CDK15: variants seen among roughly 807,000 people sequenced by gnomAD.
CDK15 encodes cyclin-dependent kinase 15.
CDK15 carries 62 observed loss-of-function variants against 60.3 expected under a neutral mutation model. The observed-to-expected ratio is 1.03, with a 90% confidence interval of 0.84 to 1.27. The LOEUF is 1.27. Among genes scored for constraint, CDK15 ranks in the 50% most tolerant of loss-of-function variants. CDK15 has a pLI of 0.00. For synonymous variants in CDK15, 194 were observed against 195.7 expected, an observed-to-expected ratio of 0.99 and a Z score of 0.07; for missense variants, 541 against 527.8, an observed-to-expected ratio of 1.03 and a Z score of -0.25.
intron 8 of CDK15, among the ~76,000 whole-genome samples, chr2:201,837,137 T>G (rs1394346589): frequency 6.6e-6 from 1 of 151,658 alleles, no homozygotes; most frequent in Non-Finnish European, 1.5e-5. Flanking sequence ...GTCTCTACAT[T>G]TTTCAAAAAA....
rs1221926647 is a variant in CDK15, at chr2:201,835,876, A to G, written c.851+113A>G. ...ATGGCAATCACGTATATATTTTTAT[A>G]TATATTTATATTTATATATTTTATA... is the stretch of plus-strand genomic sequence containing the variant. On this transcript the variant is annotated intron_variant, in intron 8 of 13. Coordinates refer to ENST00000652192, the MANE Select transcript of CDK15 (RefSeq NM_001366386.2). 2.6e-5 allele frequency: 10 copies of G among 384,196 alleles called. No homozygotes were observed. The East Asian group carries it at 1.2e-3, about 48-fold the overall frequency. 23.8% of individuals were successfully genotyped at this position (384,196 alleles called of 1,614,324 possible).
chr2:201,867,716 CT>C (rs1244443936), intron 10 of CDK15, among the ~76,000 whole-genome samples: 1 of 151,562 alleles, frequency 6.6e-6, no homozygotes, highest in Admixed American at 6.6e-5. Context: ...AACCTCAGGG[CT>C]TCCTTTCTCG....
chr2:201,816,730 A>T, intron 4 of CDK15, among the ~76,000 whole-genome samples: 1 of 151,942 alleles, frequency 6.6e-6, no homozygotes, highest in East Asian at 1.9e-4. Context: ...GACTCCAGAG[A>T]TGGGGCTTGA....
chr2:201,841,040 A>G (rs1697354294), intron 8 of CDK15, among the ~76,000 whole-genome samples: 2 of 152,206 alleles, frequency 1.3e-5, no homozygotes, highest in African/African-American at 2.4e-5. Flanking sequence ...TCTCTCCTTC[A>G]TATTTTCCAT....
chr2:201,867,973 G>A (rs957992396), intron 10 of CDK15, among the ~76,000 whole-genome samples: 6 of 152,150 alleles, frequency 3.9e-5, no homozygotes, highest in Non-Finnish European at 7.3e-5. Context: ...CTCAAAGCTC[G>A]TAAGTGGCAA....
At chr2:201,889,391 T>C (rs1699564892) in intron 12 of CDK15, 1 of 985,476 alleles carries the variant, frequency 1.0e-6, no homozygotes, top group African/African-American at 1.7e-5. Context: ...CTCAGATATC[T>C]GTGCTAATAC....
At chr2:201,866,338 A>G (rs1002101923) in intron 10 of CDK15, among the ~76,000 whole-genome samples, 4 of 152,154 alleles carry the variant, frequency 2.6e-5, no homozygotes, top group Non-Finnish European at 4.4e-5. Context: ...ATCAATCAAC[A>G]AATCTCTGTT....
intron 6 of CDK15, 119 bp downstream of exon 6, chr2:201,823,846 T>C: frequency 1.3e-6 from 1 of 773,254 alleles, no homozygotes; most frequent in Non-Finnish European, 2.0e-6. Context: ...ACATCACTGA[T>C]ATTCCAGAAA....
intron 4 of CDK15, among the ~76,000 whole-genome samples, chr2:201,817,030 C>A (rs753772980): frequency 6.6e-6 from 1 of 152,208 alleles, no homozygotes; most frequent in African/African-American, 2.4e-5. Context: ...GGCAGCCCTG[C>A]TCTGCAAGGA....
intron 11 of CDK15, chr2:201,876,408 C>T (rs1559146953): frequency 2.5e-6 from 1 of 398,660 alleles, no homozygotes; most frequent in Non-Finnish European, 4.9e-6. Flanking sequence ...TACTGGGGCA[C>T]TTGCCAAAGG....
intron 6 of CDK15, among the ~76,000 whole-genome samples, chr2:201,832,657 C>T (rs1185199198): frequency 6.6e-6 from 1 of 152,200 alleles, no homozygotes; most frequent in Non-Finnish European, 1.5e-5. Context: ...GATGTGGTAG[C>T]TACATGAAAC....
intron 9 of CDK15, among the ~76,000 whole-genome samples, chr2:201,851,074 C>T (rs928807631): frequency 5.9e-5 from 9 of 151,956 alleles, no homozygotes; most frequent in African/African-American, 2.2e-4. Context: ...GGTGGATCAC[C>T]TGAGGTCAGG....
At chr2:201,888,968 G>A (rs1699552772) in intron 12 of CDK15, 2 of 986,080 alleles carry the variant, frequency 2.0e-6, no homozygotes, top group Non-Finnish European at 2.4e-6. Flanking sequence ...ATACAAAATT[G>A]CATATTATAA....
At chr2:201,887,912 T>C (rs1353907109) in intron 12 of CDK15, among the ~76,000 whole-genome samples, 1 of 152,130 alleles carries the variant, frequency 6.6e-6, no homozygotes. Flanking sequence ...TGTGTGCACT[T>C]TGAATAATTG....
intron 8 of CDK15, among the ~76,000 whole-genome samples, chr2:201,839,938 T>C (rs1559128892): frequency 6.6e-6 from 1 of 152,096 alleles, no homozygotes; most frequent in Non-Finnish European, 1.5e-5. Flanking sequence ...AATGTGTGTG[T>C]CCACCCAATT....
chr2:201,873,188 G>A (rs547190489), intron 11 of CDK15, among the ~76,000 whole-genome samples: 8 of 152,246 alleles, frequency 5.3e-5, no homozygotes, highest in Admixed American at 1.3e-4. Context: ...AAGCCTCCAC[G>A]TAGAATAAAA....
chr2:201,881,947 C>T (rs1443821433), intron 12 of CDK15, among the ~76,000 whole-genome samples: 1 of 152,162 alleles, frequency 6.6e-6, no homozygotes, highest in Non-Finnish European at 1.5e-5. Flanking sequence ...AAACTTTCCC[C>T]ATTGGCCCTC....
chr2:201,841,741 A>C (rs761293279), intron 8 of CDK15, among the ~76,000 whole-genome samples: 1 of 152,196 alleles, frequency 6.6e-6, no homozygotes, highest in African/African-American at 2.4e-5. Flanking sequence ...TGGTGGCAGC[A>C]GTGTCAGTAG....
chr2:201,869,746 T>C (rs575635057), intron 10 of CDK15, among the ~76,000 whole-genome samples: 18 of 152,116 alleles, frequency 1.2e-4, no homozygotes, highest in African/African-American at 1.4e-4. Context: ...ACACAGCACA[T>C]AGACCTCTCA....
Sources: allele counts gnomAD v4.1 joint callset (sites outside exome capture counted in the v4.1 genomes callset), GRCh38; gene constraint gnomAD v4.1.1; transcripts MANE v1.5; gene names NCBI Gene and HGNC (gene_info 2026-07-23, HGNC 2026-07-21).